Variants in PDZRN4 observed in about 807,000 individuals in gnomAD.
PDZRN4 encodes PDZ domain-containing RING finger protein 4.
In PDZRN4, 70 loss-of-function variants were observed where a neutral mutation model predicts 99.0. The ratio of observed to expected loss-of-function variants is 0.71; its 90% CI spans 0.58 to 0.86. PDZRN4 has a LOEUF of 0.86. Among genes scored for constraint, PDZRN4 ranks in the 40% least tolerant of loss-of-function variants. The pLI, the probability that PDZRN4 is intolerant of heterozygous loss-of-function variation, is 0.00. For missense variants in PDZRN4, 1,474 were observed against 1,331.2 expected (o/e 1.11, Z -1.67); for synonymous variants, 551 against 501.6 (o/e 1.10, Z -1.32).
intron 3 of PDZRN4, among the ~76,000 whole-genome samples, chr12:41,483,327 G>A (rs1010169999): frequency 6.6e-6 from 1 of 152,088 alleles, no homozygotes; most frequent in Non-Finnish European, 1.5e-5. Flanking sequence ...AAAAGAGAAG[G>A]ATATCAAGAA....
intron 3 of PDZRN4, among the ~76,000 whole-genome samples, chr12:41,425,731 C>T (rs1565579639): frequency 6.6e-6 from 1 of 152,130 alleles, no homozygotes; most frequent in Non-Finnish European, 1.5e-5. Flanking sequence ...TATGCAAATA[C>T]TGTGTAGTTG....
At chr12:41,570,801 TAC>T (rs1341849847) in intron 9 of PDZRN4, among the ~76,000 whole-genome samples, 1 of 152,168 alleles carries the variant, frequency 6.6e-6, no homozygotes, top group Non-Finnish European at 1.5e-5. Context: ...CATTGTTCGT[TAC>T]AGTTACTTAT....
chr12:41,225,673 G>A (rs1436632151), intron 3 of PDZRN4, among the ~76,000 whole-genome samples: 1 of 152,070 alleles, frequency 6.6e-6, no homozygotes, highest in African/African-American at 2.4e-5. Context: ...GATGTTAAGA[G>A]ACAACTGAAT....
chr12:41,492,293 AAGG>A (rs1421272175), intron 3 of PDZRN4, among the ~76,000 whole-genome samples: 4 of 152,318 alleles, frequency 2.6e-5, no homozygotes, highest in Admixed American at 1.3e-4. Context: ...TCAAGAAGAC[AAGG>A]AGAAGAAAGA....
At chr12:41,290,260 A>C (rs1951449438) in intron 3 of PDZRN4, among the ~76,000 whole-genome samples, 1 of 152,212 alleles carries the variant, frequency 6.6e-6, no homozygotes, top group Non-Finnish European at 1.5e-5. Flanking sequence ...TTCAAAGCAA[A>C]ATATCAAATA....
chr12:41,397,426 A>G lies in PDZRN4; in HGVS notation c.844-109030A>G, dbSNP rs80144136. ...AGTATGTCTTTTGAAAGCAATTCCT[A>G]CTATTATAACAAGCTGGAATAAAAA... On this transcript the variant is annotated intron_variant, in intron 3 of 9. Transcript: ENST00000402685. Among the ~76,000 whole-genome samples the G allele has an allele frequency of 4.0e-3, 610 of 152,286 alleles. 18 individuals carry two copies. In the East Asian group the frequency reaches 0.091, roughly 23 times the overall value.
chr12:41,244,506 C>T (rs954314135), intron 3 of PDZRN4, among the ~76,000 whole-genome samples: 2 of 152,078 alleles, frequency 1.3e-5, no homozygotes. Flanking sequence ...TCCACTGCTG[C>T]ATCTCTGACC....
intron 3 of PDZRN4, among the ~76,000 whole-genome samples, chr12:41,420,052 TG>T (rs1346568546): frequency 6.6e-6 from 1 of 152,204 alleles, no homozygotes; most frequent in Non-Finnish European, 1.5e-5. Flanking sequence ...ATTTATTTTT[TG>T]TTTTAGTTTA....
intron 3 of PDZRN4, among the ~76,000 whole-genome samples, chr12:41,196,510 G>T (rs1365214817): frequency 6.6e-6 from 1 of 152,064 alleles, no homozygotes; most frequent in African/African-American, 2.4e-5. Flanking sequence ...TTAGAAAGAA[G>T]ATTATTAGAA....
chr12:41,273,614 GT>G (rs1337396079), intron 3 of PDZRN4, among the ~76,000 whole-genome samples: 1 of 151,970 alleles, frequency 6.6e-6, no homozygotes, highest in Non-Finnish European at 1.5e-5. Context: ...TATAAATGAT[GT>G]AGAAACCAAT....
intron 3 of PDZRN4, among the ~76,000 whole-genome samples, chr12:41,195,730 G>T (rs1950767292): frequency 6.6e-6 from 1 of 152,112 alleles, no homozygotes; most frequent in African/African-American, 2.4e-5. Flanking sequence ...TTGACAATTT[G>T]TCTAGTGGAA....
At chr12:41,334,107 C>CAGAGT (rs1243913246) in intron 3 of PDZRN4, among the ~76,000 whole-genome samples, 1 of 152,046 alleles carries the variant, frequency 6.6e-6, no homozygotes, top group African/African-American at 2.4e-5. Flanking sequence ...CAAAGGCCAC[C>CAGAGT]CTTCTCTCTG....
intron 3 of PDZRN4, among the ~76,000 whole-genome samples, chr12:41,209,792 T>C (rs1322242215): frequency 6.7e-6 from 1 of 148,896 alleles, no homozygotes; most frequent in Non-Finnish European, 1.5e-5. Context: ...TTGGGAATAG[T>C]GCTGCAATAA....
At chr12:41,564,426 A>G (rs1455859036) in intron 8 of PDZRN4, among the ~76,000 whole-genome samples, 1 of 152,146 alleles carries the variant, frequency 6.6e-6, no homozygotes, top group Non-Finnish European at 1.5e-5. Flanking sequence ...GGGACAAAAC[A>G]TTGTCACCAG....
At chr12:41,209,332 TTTTA>T (rs1400582546) in intron 3 of PDZRN4, among the ~76,000 whole-genome samples, 1 of 77,268 alleles carries the variant, frequency 1.3e-5, no homozygotes, top group Non-Finnish European at 2.6e-5. Flanking sequence ...TCTTTTTTCT[TTTTA>T]TTTTTTTATT....
intron 3 of PDZRN4, among the ~76,000 whole-genome samples, chr12:41,452,300 G>T (rs111622972): frequency 6.0e-4 from 91 of 151,322 alleles, no homozygotes; most frequent in African/African-American, 2.2e-3. Flanking sequence ...TTAGCCAGTC[G>T]TGGTGGCGGG....
chr12:41,414,558 A>G (rs1952427801), intron 3 of PDZRN4, among the ~76,000 whole-genome samples: 2 of 152,232 alleles, frequency 1.3e-5, no homozygotes, highest in South Asian at 4.1e-4. Flanking sequence ...AAAAAAATAA[A>G]AAGTATAAAA....
chr12:41,297,257 GA>G (rs1383962915), intron 3 of PDZRN4, among the ~76,000 whole-genome samples: 1 of 151,872 alleles, frequency 6.6e-6, no homozygotes, highest in Non-Finnish European at 1.5e-5. Context: ...GGAATGTAAG[GA>G]AAAAAACATT....
At position 41,339,483 on chromosome 12, in the gene PDZRN4, T is replaced by C. The variant is rs747912924; in HGVS notation, c.843+145295T>C. Among the ~76,000 whole-genome samples, 5 of 152,060 alleles carry C rather than the reference T, an allele frequency of 3.3e-5. No homozygotes were observed. In the East Asian group the frequency reaches 7.7e-4, roughly 24 times the overall value. Reference sequence around the variant, plus strand: ...CTAATGAAACGACTACAAGAAAACATTGGAGAATCTCTCCAGGACATTGGA... The same window carrying C: ...CTAATGAAACGACTACAAGAAAACACTGGAGAATCTCTCCAGGACATTGGA... On this transcript the variant is annotated intron_variant, in intron 3 of 9. Transcript: ENST00000402685.
Sources: gnomAD v4.1 joint callset for allele counts (sites outside exome capture counted in the v4.1 genomes callset) on GRCh38, gnomAD v4.1.1 for gene constraint, MANE v1.5 for transcripts, NCBI Gene and HGNC (gene_info 2026-07-23, HGNC 2026-07-21) for gene names.